Variants in TRAK1 observed in about 807,000 individuals in gnomAD.
The protein encoded by TRAK1 is trafficking kinesin-binding protein 1.
Under a neutral mutation model 92.1 loss-of-function variants are expected in TRAK1, and 33 were observed. The observed-to-expected ratio is 0.36, with a 90% CI of 0.27 to 0.48. The LOEUF is 0.48. Ranked by LOEUF, TRAK1 falls within the 20% of genes least tolerant of loss-of-function variation. The pLI, the probability that TRAK1 is intolerant of heterozygous loss-of-function variation, is 0.99. For synonymous variants in TRAK1, 521 were observed against 517.3 expected (o/e 1.01, Z -0.10); for missense variants, 1,123 against 1,257.9 (o/e 0.89, Z 1.62).
At chr3:42,158,231 T>G (rs1700789198) in intron 2 of TRAK1, among the ~76,000 whole-genome samples, 1 of 152,210 alleles carries the variant, frequency 6.6e-6, no homozygotes, top group South Asian at 2.1e-4. Context: ...GTAAAGTCAC[T>G]TGATAGTATT....
chr3:42,176,853 A>G lies in TRAK1; in HGVS notation c.326A>G (p.Tyr109Cys). 1 of 1,614,182 alleles carries G rather than the reference A, an allele frequency of 6.2e-7. No homozygotes were observed. ...AGAGTTGGCCAGATGACTAAGACAT[A>G]TAATGACATAGATGCTGTCACTCGG... is the stretch of plus-strand genomic sequence containing the variant. Reference protein sequence around the residue: ...AERVGQMTKTYNDIDAVTRLL... With the variant: ...AERVGQMTKTCNDIDAVTRLL... The change falls in exon 3 of 16, where the codon TAT becomes TGT. Residue 109 changes from tyrosine to cysteine, a missense_variant. Tyr to Cys is a radical substitution (Grantham distance 194). Coordinates refer to ENST00000327628, the MANE Select transcript of TRAK1 (RefSeq NM_001042646.3).
chr3:42,190,795 TCCTC>T (rs914302564), intron 6 of TRAK1, among the ~76,000 whole-genome samples: 2 of 151,504 alleles, frequency 1.3e-5, no homozygotes, highest in African/African-American at 4.9e-5. Flanking sequence ...CTCTCTCCCT[TCCTC>T]CCTCCCTCCC....
chr3:42,132,249 T>A (rs541112382), intron 2 of TRAK1, among the ~76,000 whole-genome samples: 1 of 151,934 alleles, frequency 6.6e-6, no homozygotes, highest in East Asian at 1.9e-4. Context: ...TTTTTGTTTT[T>A]TTTTTTTTGT....
chr3:42,082,995 G>C (rs1704507532), upstream of TRAK1, among the ~76,000 whole-genome samples: 1 of 152,178 alleles, frequency 6.6e-6, no homozygotes, highest in African/African-American at 2.4e-5. Flanking sequence ...CTCTGTTGTG[G>C]CTTGTTAGGT....
Position 42,201,874 on chromosome 3 carries a change from G to A in TRAK1, c.1428-562G>A, listed in dbSNP as rs1545417. 6.8e-4 allele frequency among the ~76,000 whole-genome samples: 35 copies of A among 51,796 alleles called. 1 individual carries two copies. The highest frequency in any genetic ancestry group is 7.4e-4 in the Non-Finnish European group (20 of 27,186). 34.0% of individuals were successfully genotyped at this position (51,796 alleles called of 152,430 possible). On this transcript the variant is annotated intron_variant, in intron 12 of 15. Transcript: ENST00000327628. Reference sequence around the variant, plus strand: ...AACCTGGACGGACGGACGGACGGACGGACAGACGGACACACACACACACAC... The same window carrying A: ...AACCTGGACGGACGGACGGACGGACAGACAGACGGACACACACACACACAC...
intron 2 of TRAK1, among the ~76,000 whole-genome samples, chr3:42,168,821 T>A (rs963110476): frequency 6.6e-6 from 1 of 151,952 alleles, no homozygotes; most frequent in Non-Finnish European, 1.5e-5. Flanking sequence ...ATCTACTTTT[T>A]AAAAATTGTT....
rs1331563625 is a variant in TRAK1 at position 42,159,002 on chromosome 3, A to ATAATAG, written c.287-17811_287-17810insAATAGT. On this transcript the variant is annotated intron_variant, in intron 2 of 15. Coordinates refer to ENST00000327628, the MANE Select transcript of TRAK1 (RefSeq NM_001042646.3). ...AATAATAATAATAATAATAATAATA[A>ATAATAG]TTAGAGGATGCATATGTCCTTAGAC... is the stretch of plus-strand genomic sequence containing the variant. Among the ~76,000 whole-genome samples the ATAATAG allele has an allele frequency of 5.4e-5, 8 of 147,654 alleles. 1 individual carries two copies. The highest frequency in any genetic ancestry group is 5.4e-4 in the Admixed American group (8 of 14,782).
upstream of TRAK1, among the ~76,000 whole-genome samples, chr3:42,090,625 G>T (rs1576290100): frequency 6.6e-6 from 1 of 152,230 alleles, no homozygotes; most frequent in Non-Finnish European, 1.5e-5. Context: ...GGAGGTTGCA[G>T]TGAGCTGACA....
chr3:42,048,669 C>T (rs1024581835), intron 1 of TRAK1, among the ~76,000 whole-genome samples: 1 of 151,838 alleles, frequency 6.6e-6, no homozygotes, highest in Non-Finnish European at 1.5e-5. Flanking sequence ...TCAAGGGATC[C>T]TCCCATCTCA....
At chr3:42,192,207 A>G (rs1223460731) in intron 7 of TRAK1, among the ~76,000 whole-genome samples, 1 of 151,900 alleles carries the variant, frequency 6.6e-6, no homozygotes, top group Admixed American at 6.6e-5. Context: ...TGGCCAGAAT[A>G]TTGGAATTTT....
At chr3:42,169,123 A>C (rs1702224676) in intron 2 of TRAK1, among the ~76,000 whole-genome samples, 1 of 145,232 alleles carries the variant, frequency 6.9e-6, no homozygotes, top group East Asian at 2.1e-4. Flanking sequence ...GGTGCCCAGC[A>C]AAGTGATCTA....
chr3:42,105,607 C>T (rs1707425713), intron 1 of TRAK1, among the ~76,000 whole-genome samples: 1 of 152,152 alleles, frequency 6.6e-6, no homozygotes, highest in African/African-American at 2.4e-5. Context: ...AGGATATTAT[C>T]CAGGAGAACT....
At chr3:42,196,956 CCTCTCTCTCT>C (rs145953745) in intron 10 of TRAK1, among the ~76,000 whole-genome samples, 3 of 143,508 alleles carry the variant, frequency 2.1e-5, no homozygotes, top group Admixed American at 7.2e-5. Context: ...TCTCCTTTCT[CCTCTCTCTCT>C]CTCTCTCTCT....
In TRAK1 at chr3:42,199,248, C is replaced by T; in HGVS notation, c.1185C>T (p.Asp395=). ...ELQLEEAESP[D]ITHQKRVFET... is the part of the protein sequence containing the mutation. ...AGTTGGAAGAGGCCGAGTCTCCAGA[C>T]ATCACGTACGGCCACAGTTTTTACA... is the stretch of plus-strand genomic sequence containing the variant. The change falls in exon 11 of 16, where the codon GAC becomes GAT. Residue 395 remains aspartate, a synonymous_variant. Coordinates refer to ENST00000327628, the MANE Select transcript of TRAK1 (RefSeq NM_001042646.3). 1.2e-6 allele frequency: 2 copies of T among 1,614,072 alleles called. No individual in the cohort carries two copies. The highest frequency in any genetic ancestry group is 1.7e-6 in the Non-Finnish European group (2 of 1,180,024).
At chr3:42,212,545 C>A (rs1709179629) in intron 14 of TRAK1, 1 of 979,256 alleles carries the variant, frequency 1.0e-6, no homozygotes, top group South Asian at 4.7e-5. Context: ...TTTTTACAAT[C>A]CCATGTCTTA....
intron 2 of TRAK1, among the ~76,000 whole-genome samples, chr3:42,127,489 A>T (rs1710738499): frequency 6.6e-6 from 1 of 151,710 alleles, no homozygotes; most frequent in African/African-American, 2.4e-5. Flanking sequence ...AGTAGCTAGG[A>T]CTACATGTAT....
intron 1 of TRAK1, 56 bp downstream of exon 1, chr3:42,091,616 A>G: frequency 6.5e-7 from 1 of 1,533,970 alleles, no homozygotes; most frequent in Non-Finnish European, 8.9e-7. Context: ...TGTGGTCGGA[A>G]AGGAGAAAAG....
chr3:42,037,834 T>G (rs1702379752), intron 1 of TRAK1, among the ~76,000 whole-genome samples: 1 of 152,144 alleles, frequency 6.6e-6, no homozygotes, highest in African/African-American at 2.4e-5. Flanking sequence ...CAAATAACAT[T>G]TAGTGAGTGT....
chr3:42,119,091 C>A (rs1372628520), intron 1 of TRAK1, among the ~76,000 whole-genome samples: 1 of 152,140 alleles, frequency 6.6e-6, no homozygotes, highest in African/African-American at 2.4e-5. Flanking sequence ...TGTTGCCTGG[C>A]AAAGTAGTAA....
Sources: gnomAD v4.1 joint callset for allele counts (sites outside exome capture counted in the v4.1 genomes callset) on GRCh38, gnomAD v4.1.1 for gene constraint, MANE v1.5 for transcripts, NCBI Gene and HGNC (gene_info 2026-07-23, HGNC 2026-07-21) for gene names.